DOCK3: variants seen among roughly 807,000 people sequenced by gnomAD.
DOCK3 encodes the protein dedicator of cytokinesis 3, also known as dedicator of cytokinesis protein 3.
A neutral mutation model predicts 265.6 loss-of-function variants in DOCK3; 60 were observed. The observed-to-expected ratio is 0.23, with a 90% confidence interval of 0.18 to 0.28. The LOEUF (loss-of-function observed/expected upper bound fraction) is 0.28. Among genes scored for constraint, DOCK3 ranks in the 10% least tolerant of loss-of-function variants. The probability of loss-of-function intolerance (pLI) is 1.00; values close to 1 mark genes in which losing one functional copy is unlikely to be tolerated. For missense variants in DOCK3, 1,981 were observed against 2,594.3 expected (o/e 0.76, Z 5.14); for synonymous variants, 881 against 938.0 (o/e 0.94, Z 1.11).
chr3:50,810,316 C>T (rs1420662365), intron 2 of DOCK3, among the ~76,000 whole-genome samples: 2 of 151,954 alleles, frequency 1.3e-5, no homozygotes, highest in Non-Finnish European at 2.9e-5. Context: ...TTTGGGAGAC[C>T]GAGGCGGGCG....
intron 9 of DOCK3, among the ~76,000 whole-genome samples, chr3:51,107,563 C>T (rs1374916803): frequency 4.6e-5 from 7 of 152,098 alleles, no homozygotes; most frequent in African/African-American, 1.7e-4. Flanking sequence ...GTATTAACAG[C>T]AGAATAGACC....
In DOCK3 at chr3:50,877,650, T is replaced by TTTTTCTTTTC. The variant is rs141046408; in HGVS notation, c.163-12351_163-12342dup. On this transcript the variant is annotated intron_variant, in intron 3 of 52. Coordinates refer to ENST00000266037, the MANE Select transcript of DOCK3 (RefSeq NM_004947.5). Reference sequence around the variant, plus strand: ...TATCTAGGGCTTCAATGGCAGCCACTTTTTCTTTTCTTTTCTTTTCTTTTC... The same window carrying TTTTTCTTTTC: ...TATCTAGGGCTTCAATGGCAGCCACTTTTTCTTTTCTTTTCTTTTCTTTTCTTTTCTTTTC... 3,584 of 389,312 alleles carry TTTTTCTTTTC rather than the reference T, an allele frequency of 9.2e-3. 77 individuals carry two copies. Among genetic ancestry groups the TTTTTCTTTTC allele is most frequent in the African/African-American group, 0.05 (2,279 of 45,130 alleles). 24.1% of individuals were successfully genotyped at this position (389,312 alleles called of 1,614,324 possible).
At chr3:50,921,509 C>T (rs764082896) in intron 4 of DOCK3, among the ~76,000 whole-genome samples, 16 of 152,166 alleles carry the variant, frequency 1.1e-4, no homozygotes, top group Admixed American at 3.9e-4. Context: ...TCCTTTAGCT[C>T]GAAGAAGTTT....
At chr3:50,953,060 A>G (rs2076635704) in intron 5 of DOCK3, among the ~76,000 whole-genome samples, 1 of 152,084 alleles carries the variant, frequency 6.6e-6, no homozygotes, top group Non-Finnish European at 1.5e-5. Context: ...TCTAATCCCT[A>G]ACTAAAGATT....
At position 51,012,538 on chromosome 3, in the gene DOCK3, C is replaced by T. The variant is rs561725956; in HGVS notation, c.316-51910C>T. Reference sequence around the variant, plus strand: ...GGGAGTGACCCAATTTTCCAGGTGCCGTGTGTCACAGCTTCCCTTGGCTAG... The same window carrying T: ...GGGAGTGACCCAATTTTCCAGGTGCTGTGTGTCACAGCTTCCCTTGGCTAG... On this transcript the variant is annotated intron_variant, in intron 5 of 52. Transcript: ENST00000266037. Among the ~76,000 whole-genome samples, 138 of 152,246 alleles carry T rather than the reference C, an allele frequency of 9.1e-4. 1 individual carries two copies. Among genetic ancestry groups the T allele is most frequent in the Admixed American group, 1.8e-3 (27 of 15,284 alleles).
chr3:50,778,609 C>T lies in DOCK3; in HGVS notation c.38-66C>T. On this transcript the variant is annotated intron_variant, in intron 1 of 52. Coordinates refer to ENST00000266037, the MANE Select transcript of DOCK3 (RefSeq NM_004947.5). Reference sequence around the variant, plus strand: ...ATTTAAGAAAATTTAGTGCTTAATTCAGTGACTCTGACCATGTCTCAGTGT... The same window carrying T: ...ATTTAAGAAAATTTAGTGCTTAATTTAGTGACTCTGACCATGTCTCAGTGT... The T allele has an allele frequency of 2.5e-6, 3 of 1,217,044 alleles. No homozygotes were observed. The Admixed American group carries it at 6.3e-5, about 26-fold the overall frequency. The allele number at this position is 1,217,044 out of a possible 1,614,324, so 75.4% of individuals were successfully genotyped here. A position where few individuals can be genotyped will look rare whatever the true frequency, so the allele number is the denominator to read the frequency against.
chr3:50,773,009 G>A (rs1447662748), intron 1 of DOCK3, among the ~76,000 whole-genome samples: 1 of 152,032 alleles, frequency 6.6e-6, no homozygotes, highest in African/African-American at 2.4e-5. Flanking sequence ...GAAAACAGCT[G>A]GAGGCATCAC....
At chr3:50,678,723 C>G (rs1012983924) in intron 1 of DOCK3, among the ~76,000 whole-genome samples, 6 of 151,828 alleles carry the variant, frequency 4.0e-5, no homozygotes, top group African/African-American at 1.5e-4. Context: ...CTTACTGCAG[C>G]CTTGAACTCC....
intron 5 of DOCK3, among the ~76,000 whole-genome samples, chr3:50,970,947 A>ATATG (rs1559878895): frequency 1.9e-5 from 1 of 53,304 alleles, no homozygotes; most frequent in Non-Finnish European, 3.3e-5. Context: ...ATATATATAT[A>ATATG]ATGTGTGTGT....
At chr3:51,174,559 T>C (rs1429134426) in intron 12 of DOCK3, among the ~76,000 whole-genome samples, 1 of 152,220 alleles carries the variant, frequency 6.6e-6, no homozygotes, top group Non-Finnish European at 1.5e-5. Flanking sequence ...ATCTGTTCTC[T>C]TGCATCTCAT....
intron 1 of DOCK3, among the ~76,000 whole-genome samples, chr3:50,734,825 G>T (rs1350655589): frequency 1.3e-5 from 2 of 151,898 alleles, no homozygotes; most frequent in African/African-American, 4.8e-5. Flanking sequence ...GGATGGTCTC[G>T]ATCTCCTGAC....
chr3:51,220,499 A>G (rs1388982064), intron 14 of DOCK3, among the ~76,000 whole-genome samples: 2 of 151,670 alleles, frequency 1.3e-5, no homozygotes, highest in African/African-American at 2.4e-5. Context: ...TCTACTAAAA[A>G]TACAAAAATT....
intron 5 of DOCK3, among the ~76,000 whole-genome samples, chr3:51,047,829 A>G (rs1575876146): frequency 6.6e-6 from 1 of 152,140 alleles, no homozygotes; most frequent in Admixed American, 6.6e-5. Context: ...AATTAATCCA[A>G]TCCTTGTTAA....
At chr3:50,788,494 A>G (rs2042297668) in intron 2 of DOCK3, among the ~76,000 whole-genome samples, 1 of 152,168 alleles carries the variant, frequency 6.6e-6, no homozygotes, top group East Asian at 1.9e-4. Context: ...ACCACTAGTG[A>G]TTTTTCTTCT....
intron 5 of DOCK3, among the ~76,000 whole-genome samples, chr3:51,039,197 T>C (rs2080386875): frequency 6.6e-6 from 1 of 152,120 alleles, no homozygotes. Context: ...GGTTTCACTA[T>C]GTTGGCCAGG....
intron 28 of DOCK3, 129 bp from the exon 29 acceptor site, chr3:51,311,875 A>G: frequency 3.3e-6 from 2 of 605,662 alleles, no homozygotes; most frequent in Non-Finnish European, 5.6e-6. Flanking sequence ...TTTCCTTTAT[A>G]GTCACATCTT....
intron 5 of DOCK3, among the ~76,000 whole-genome samples, chr3:50,979,011 C>T (rs1023539546): frequency 5.3e-5 from 8 of 152,256 alleles, no homozygotes; most frequent in Non-Finnish European, 1.0e-4. Flanking sequence ...GGCTCGCGTA[C>T]GGTGCGCACA....
At chr3:51,235,914 A>C (rs1030214049) in intron 19 of DOCK3, among the ~76,000 whole-genome samples, 2 of 152,182 alleles carry the variant, frequency 1.3e-5, no homozygotes, top group Non-Finnish European at 2.9e-5. Context: ...AATATACTCT[A>C]TATTGTTAGG....
intron 5 of DOCK3, among the ~76,000 whole-genome samples, chr3:51,018,331 C>G (rs2079441983): frequency 6.6e-6 from 1 of 151,442 alleles, no homozygotes; most frequent in Non-Finnish European, 1.5e-5. Flanking sequence ...GGCGTGGTGG[C>G]TCATGCCTGT....
Sources: gnomAD v4.1 joint callset for allele counts (sites outside exome capture counted in the v4.1 genomes callset) on GRCh38, gnomAD v4.1.1 for gene constraint, MANE v1.5 for transcripts, NCBI Gene and HGNC (gene_info 2026-07-23, HGNC 2026-07-21) for gene names.